Variants in CNTNAP2 observed in about 807,000 individuals in gnomAD.
CNTNAP2 encodes the protein contactin-associated protein-like 2.
Under a neutral mutation model 155.2 loss-of-function variants are expected in CNTNAP2, and 98 were observed. That is an observed-to-expected ratio of 0.63 (90% CI 0.54 to 0.75). The LOEUF (loss-of-function observed/expected upper bound fraction) is 0.75, where lower values mean the gene tolerates loss of function less well. Among genes scored for constraint, CNTNAP2 ranks in the 30% least tolerant of loss-of-function variants. CNTNAP2 has a pLI of 0.00. For synonymous variants in CNTNAP2, 651 were observed against 631.2 expected (o/e 1.03, Z -0.47); for missense variants, 1,727 against 1,688.1 (o/e 1.02, Z -0.40).
At chr7:147,652,188 C>T (rs1291175150) in intron 13 of CNTNAP2, among the ~76,000 whole-genome samples, 1 of 152,152 alleles carries the variant, frequency 6.6e-6, no homozygotes, top group Admixed American at 6.5e-5. Context: ...ATTCTATTAC[C>T]TATTGTTTGC....
At chr7:148,275,939 G>A (rs1796863749) in intron 21 of CNTNAP2, among the ~76,000 whole-genome samples, 1 of 152,140 alleles carries the variant, frequency 6.6e-6, no homozygotes, top group Non-Finnish European at 1.5e-5. Flanking sequence ...GACATCTTTG[G>A]AAACACAGTG....
chr7:147,620,040 T>C (rs1801364437), intron 12 of CNTNAP2, among the ~76,000 whole-genome samples: 1 of 152,226 alleles, frequency 6.6e-6, no homozygotes, highest in Non-Finnish European at 1.5e-5. Context: ...TTTCGTCCAG[T>C]AATCCATAGG....
intron 1 of CNTNAP2, among the ~76,000 whole-genome samples, chr7:146,353,050 G>A (rs1036748071): frequency 1.3e-5 from 2 of 152,020 alleles, no homozygotes; most frequent in Non-Finnish European, 2.9e-5. Flanking sequence ...CACCGCGCCC[G>A]GCCAGGGGAT....
At chr7:147,869,682 A>G (rs527960318) in intron 13 of CNTNAP2, among the ~76,000 whole-genome samples, 8 of 152,224 alleles carry the variant, frequency 5.3e-5, no homozygotes, top group Non-Finnish European at 1.0e-4. Context: ...GGGATGTATA[A>G]GTGTCCCTGA....
intron 1 of CNTNAP2, among the ~76,000 whole-genome samples, chr7:146,697,506 G>A (rs573407490): frequency 1.4e-4 from 22 of 152,170 alleles, no homozygotes; most frequent in Non-Finnish European, 2.4e-4. Flanking sequence ...CCCAAAGTGC[G>A]GGGATCATAG....
At chr7:147,373,804 G>C (rs1187774412) in intron 9 of CNTNAP2, among the ~76,000 whole-genome samples, 1 of 151,660 alleles carries the variant, frequency 6.6e-6, no homozygotes, top group African/African-American at 2.4e-5. Flanking sequence ...TGTTGGTTTG[G>C]TTTGGCTTTC....
At chr7:146,529,289 G>T (rs558865936) in intron 1 of CNTNAP2, among the ~76,000 whole-genome samples, 37 of 152,156 alleles carry the variant, frequency 2.4e-4, no homozygotes, top group African/African-American at 8.7e-4. Context: ...AGGAAGAAAA[G>T]AAATTACTCA....
intron 12 of CNTNAP2, among the ~76,000 whole-genome samples, chr7:147,574,361 G>A (rs181207102): frequency 6.6e-6 from 1 of 152,040 alleles, no homozygotes; most frequent in Admixed American, 6.6e-5. Flanking sequence ...ACGAGTGGGA[G>A]GGTCTTGTTG....
intron 13 of CNTNAP2, among the ~76,000 whole-genome samples, chr7:147,643,048 GC>G (rs1478831878): frequency 1.3e-5 from 2 of 152,160 alleles, no homozygotes; most frequent in African/African-American, 4.8e-5. Flanking sequence ...CTTTGATAGA[GC>G]TTGGTTGGGG....
At chr7:147,178,092 CTGTGAATGTGT>C (rs1802385100) in intron 8 of CNTNAP2, among the ~76,000 whole-genome samples, 2 of 152,234 alleles carry the variant, frequency 1.3e-5, no homozygotes, top group African/African-American at 4.8e-5. Context: ...CTCCAAGAAC[CTGTGAATGTGT>C]TGCCTTACAT....
At chr7:147,121,983 C>T (rs1005395635) in intron 6 of CNTNAP2, 3 of 151,906 alleles carry the variant, frequency 2.0e-5, no homozygotes, top group African/African-American at 7.3e-5. Flanking sequence ...CAAGACCAGC[C>T]GGACAAACAT....
intron 12 of CNTNAP2, among the ~76,000 whole-genome samples, chr7:147,620,752 ATAGCCCCCAAAGGGAAATCTAAGAGT>A (rs1451813350): frequency 6.6e-6 from 1 of 152,114 alleles, no homozygotes; most frequent in African/African-American, 2.4e-5. Context: ...GATCTAGAAA[ATAGCCCCCAAAGGGAAATCTAAGAGT>A]TATTGGCCAT....
At chr7:146,973,107 C>T (rs1039813393) in intron 3 of CNTNAP2, among the ~76,000 whole-genome samples, 2 of 152,206 alleles carry the variant, frequency 1.3e-5, no homozygotes, top group African/African-American at 4.8e-5. Flanking sequence ...CAGCTCACTG[C>T]AACATCTGCC....
intron 1 of CNTNAP2, among the ~76,000 whole-genome samples, chr7:146,298,978 T>C (rs1800559081): frequency 6.6e-6 from 1 of 152,130 alleles, no homozygotes; most frequent in South Asian, 2.1e-4. Flanking sequence ...TTGTGAATAT[T>C]AAAAGAAATA....
At chr7:147,775,377 T>TA (rs1328573926) in intron 13 of CNTNAP2, among the ~76,000 whole-genome samples, 2 of 72,060 alleles carry the variant, frequency 2.8e-5, no homozygotes, top group Non-Finnish European at 5.0e-5. Flanking sequence ...ATATATATAT[T>TA]TATATATATT....
chr7:148,262,441 T>G (rs188345315), intron 20 of CNTNAP2, among the ~76,000 whole-genome samples: 2 of 152,268 alleles, frequency 1.3e-5, no homozygotes, highest in East Asian at 3.9e-4. Flanking sequence ...AGGCCAGAAG[T>G]GCAAAGTCAG....
At chr7:147,837,604 G>T (rs1356275143) in intron 13 of CNTNAP2, among the ~76,000 whole-genome samples, 1 of 152,038 alleles carries the variant, frequency 6.6e-6, no homozygotes, top group African/African-American at 2.4e-5. Context: ...GACAATATAA[G>T]TCCCTTCTGC....
chr7:146,911,704 C>G (rs959021412), intron 3 of CNTNAP2, among the ~76,000 whole-genome samples: 1 of 151,200 alleles, frequency 6.6e-6, no homozygotes, highest in Non-Finnish European at 1.5e-5. Flanking sequence ...ATACCTAAGG[C>G]TAGATGACAA....
At chr7:146,347,082 G>A (rs1228000435) in intron 1 of CNTNAP2, among the ~76,000 whole-genome samples, 2 of 145,832 alleles carry the variant, frequency 1.4e-5, no homozygotes, top group East Asian at 2.0e-4. Context: ...AGTTTGGAGT[G>A]CTTTGGCATG....
Sources: gnomAD v4.1 joint callset for allele counts (sites outside exome capture counted in the v4.1 genomes callset) on GRCh38, gnomAD v4.1.1 for gene constraint, MANE v1.5 for transcripts, NCBI Gene and HGNC (gene_info 2026-07-23, HGNC 2026-07-21) for gene names.